The following NEK10 variants were observed in gnomAD, a reference collection of about 807,000 sequenced individuals.
NEK10 encodes the protein NIMA related kinase 10.
Under a neutral mutation model 159.8 loss-of-function variants are expected in NEK10, and 122 were observed. The ratio of observed to expected loss-of-function variants is 0.76; its 90% CI spans 0.66 to 0.89. The LOEUF is 0.89. Ranked by LOEUF, NEK10 falls within the 40% of genes least tolerant of loss-of-function variation. The pLI, the probability that NEK10 is intolerant of heterozygous loss-of-function variation, is 0.00. For missense variants in NEK10, 1,342 were observed against 1,323.1 expected, an observed-to-expected ratio of 1.01 and a Z score of -0.22; for synonymous variants, 466 against 457.1, an observed-to-expected ratio of 1.02 and a Z score of -0.25.
At chr3:27,223,555 T>C (rs1420680712) in intron 23 of NEK10, among the ~76,000 whole-genome samples, 1 of 152,244 alleles carries the variant, frequency 6.6e-6, no homozygotes, top group Non-Finnish European at 1.5e-5. Context: ...ATTGCGTTCC[T>C]CCTTGGGAAC....
chr3:27,337,381 A>T (rs2046879114), intron 5 of NEK10, among the ~76,000 whole-genome samples: 1 of 152,114 alleles, frequency 6.6e-6, no homozygotes, highest in African/African-American at 2.4e-5. Flanking sequence ...AAATGACCAT[A>T]CTACCCAAAG....
chr3:27,340,112 G>C (rs913287413), intron 5 of NEK10, among the ~76,000 whole-genome samples: 1 of 152,142 alleles, frequency 6.6e-6, no homozygotes, highest in African/African-American at 2.4e-5. Flanking sequence ...CAACCCAAAT[G>C]CTTATCAATG....
chr3:27,212,632 G>A (rs1050249228), intron 23 of NEK10, among the ~76,000 whole-genome samples: 9 of 152,248 alleles, frequency 5.9e-5, no homozygotes, highest in African/African-American at 2.2e-4. Flanking sequence ...AGGCCAATGT[G>A]TGAGTTCTCA....
rs770074308 is a variant in NEK10, at chr3:27,352,581, C to T, written c.72-56G>A. On this transcript the variant is annotated intron_variant, in intron 2 of 35. Transcript: ENST00000691995. ...ACAGAAGGCTCCAGGTGAACAAGAT[C>T]GTGTTACCCACTGATGGCATTGCCA... 1.1e-4 allele frequency: 146 copies of T among 1,300,988 alleles called. 1 individual carries two copies. The Admixed American group carries it at 2.2e-3, about 20-fold the overall frequency. The allele number at this position is 1,300,988 out of a possible 1,614,324, so 80.6% of individuals were successfully genotyped here.
At chr3:27,175,412 C>A (rs1374069944) in intron 26 of NEK10, among the ~76,000 whole-genome samples, 1 of 152,174 alleles carries the variant, frequency 6.6e-6, no homozygotes, top group Non-Finnish European at 1.5e-5. Flanking sequence ...TCCTCCAAAA[C>A]GGATGGATGC....
intron 32 of NEK10, among the ~76,000 whole-genome samples, chr3:27,121,418 C>T (rs545561028): frequency 5.4e-4 from 82 of 152,272 alleles, no homozygotes; most frequent in African/African-American, 1.9e-3. Flanking sequence ...AATTGTAACT[C>T]CCACAATTCC....
At chr3:27,120,207 A>G (rs1489363587) in intron 32 of NEK10, among the ~76,000 whole-genome samples, 1 of 152,324 alleles carries the variant, frequency 6.6e-6, no homozygotes, top group East Asian at 1.9e-4. Flanking sequence ...TGGGAGGAAT[A>G]AACTCCAATT....
intron 3 of NEK10, among the ~76,000 whole-genome samples, chr3:27,347,501 TCA>T (rs1491449368): frequency 5.2e-5 from 1 of 19,248 alleles, no homozygotes; most frequent in Admixed American, 9.3e-4. Flanking sequence ...AAACTCCGTC[TCA>T]AAAAAAAAAA....
At chr3:27,326,720 C>G (rs1366028136) in intron 5 of NEK10, among the ~76,000 whole-genome samples, 1 of 152,016 alleles carries the variant, frequency 6.6e-6, no homozygotes, top group Admixed American at 6.5e-5. Context: ...GAACTGAAGC[C>G]CAAAGCTATT....
chr3:27,352,454 G>GA lies in NEK10; in HGVS notation c.132+10dup. ...TTTTATTACCAAGTGAACATTCTTT[G>GA]AAAACGCTACCTGTTGTTTGCTTGA... On this transcript the variant is annotated intron_variant, in intron 3 of 35. Coordinates refer to ENST00000691995, the MANE Select transcript of NEK10 (RefSeq NM_001394966.1). 1 of 1,597,312 alleles carries GA rather than the reference G, an allele frequency of 6.3e-7. No homozygotes were observed. Among genetic ancestry groups the GA allele is most frequent in the Non-Finnish European group, 8.6e-7 (1 of 1,165,048 alleles).
intron 31 of NEK10, among the ~76,000 whole-genome samples, chr3:27,135,509 AAAG>A (rs1164775660): frequency 6.6e-6 from 1 of 152,220 alleles, no homozygotes; most frequent in Non-Finnish European, 1.5e-5. Context: ...TAATATTGGA[AAAG>A]AATATATAGA....
intron 23 of NEK10, among the ~76,000 whole-genome samples, chr3:27,248,218 C>T (rs1016110407): frequency 2.6e-5 from 4 of 152,034 alleles, no homozygotes; most frequent in Admixed American, 6.6e-5. Flanking sequence ...GTAATGTCTC[C>T]TTTTTCATCC....
chr3:27,215,909 C>A lies in NEK10; in HGVS notation c.2091-13352G>T, dbSNP rs1312384081. ...TAAACAACCAGATCACACGAAAACT[C>A]ACCATCATGAGAACAGCACCAAGGG... On this transcript the variant is annotated intron_variant, in intron 23 of 35. Coordinates refer to ENST00000691995, the MANE Select transcript of NEK10 (RefSeq NM_001394966.1). 9 of 686,010 alleles carry A rather than the reference C, an allele frequency of 1.3e-5. No homozygotes were observed. In the East Asian group the frequency reaches 2.5e-4, roughly 19 times the overall value. 42.5% of individuals were successfully genotyped at this position (686,010 alleles called of 1,614,324 possible).
At chr3:27,135,890 G>A (rs961813203) in intron 31 of NEK10, among the ~76,000 whole-genome samples, 6 of 152,124 alleles carry the variant, frequency 3.9e-5, no homozygotes, top group Admixed American at 2.0e-4. Context: ...AGATCCAGAT[G>A]AGCAGGTATG....
chr3:27,241,840 G>C (rs1196442983), intron 23 of NEK10, among the ~76,000 whole-genome samples: 1 of 152,124 alleles, frequency 6.6e-6, no homozygotes, highest in Admixed American at 6.5e-5. Context: ...GTTGCAGCTG[G>C]GACTTAAGAA....
intron 19 of NEK10, among the ~76,000 whole-genome samples, chr3:27,288,454 G>T (rs1225058539): frequency 6.6e-6 from 1 of 152,038 alleles, no homozygotes; most frequent in African/African-American, 2.4e-5. Context: ...ACTCACCCTT[G>T]ATATCTAACC....
At chr3:27,167,243 A>G (rs539312661) in intron 29 of NEK10, among the ~76,000 whole-genome samples, 1 of 152,312 alleles carries the variant, frequency 6.6e-6, no homozygotes, top group South Asian at 2.1e-4. Context: ...CTTGGTAATG[A>G]GATAAAGAAT....
intron 6 of NEK10, among the ~76,000 whole-genome samples, chr3:27,319,015 T>C (rs2045424678): frequency 6.6e-6 from 1 of 152,188 alleles, no homozygotes; most frequent in Non-Finnish European, 1.5e-5. Flanking sequence ...TGCTAGAGGT[T>C]CTCAGGATCA....
At chr3:27,177,555 A>T (rs79750322) in intron 26 of NEK10, among the ~76,000 whole-genome samples, 28,845 of 141,994 alleles carry the variant, frequency 0.2, 2,751 homozygotes, top group Middle Eastern at 0.25. Context: ...CAAAAAAAAA[A>T]ATATATATAT....
Sources: allele counts gnomAD v4.1 joint callset (sites outside exome capture counted in the v4.1 genomes callset), GRCh38; gene constraint gnomAD v4.1.1; transcripts MANE v1.5; gene names NCBI Gene and HGNC (gene_info 2026-07-23, HGNC 2026-07-21).